Variants in XKR6 observed in about 807,000 individuals in gnomAD.
The protein encoded by XKR6 is XK related 6.
In XKR6, 22 loss-of-function variants were observed where a neutral mutation model predicts 56.7. That is an observed-to-expected ratio of 0.39 (90% CI 0.28 to 0.55). The LOEUF is 0.55. XKR6 is among the 20% of genes least tolerant of loss of function. The pLI, the probability that XKR6 is intolerant of heterozygous loss-of-function variation, is 0.66. For missense variants in XKR6, 852 were observed against 889.0 expected (o/e 0.96, Z 0.53); for synonymous variants, 524 against 387.8 (o/e 1.35, Z -4.13).
At chr8:11,196,605 A>T (rs1264018492) in intron 1 of XKR6, among the ~76,000 whole-genome samples, 3 of 152,220 alleles carry the variant, frequency 2.0e-5, no homozygotes, top group Non-Finnish European at 2.9e-5. Flanking sequence ...TCCTTTCCCA[A>T]TTCTGCCATC....
chr8:10,905,981 G>A (rs538007790), intron 2 of XKR6, among the ~76,000 whole-genome samples: 1 of 152,294 alleles, frequency 6.6e-6, no homozygotes, highest in East Asian at 1.9e-4. Context: ...GGGCAATGAA[G>A]AGGGAAGAAA....
At position 10,898,828 on chromosome 8, in the gene XKR6, C is replaced by G; in HGVS notation, c.1050G>C (p.Lys350Asn). ...KLLRDSRDDK[K>N]SMSYRGAIIQ... ...TGATGGCCCCTCTGTAGCTCATGCT[C>G]TTCTTGTCGTCCCTGGAGTCCCGCA... Residue 350 changes from lysine (K) to asparagine (N), a missense_variant, in exon 3 of 3, where the codon AAG (lysine) becomes AAC (asparagine). By Grantham distance (94) the Lys-to-Asn change is moderately conservative. Transcript: ENST00000416569. This position sits in a 1 kb window ranked among gnomAD's most constrained non-coding sequence, Gnocchi z 6.6. 1 of 1,614,190 alleles carries G rather than the reference C, an allele frequency of 6.2e-7. No individual in the cohort carries two copies. Among genetic ancestry groups the G allele is most frequent in the Non-Finnish European group, 8.5e-7 (1 of 1,180,034 alleles).
At chr8:11,123,828 A>T in intron 1 of XKR6, 1 of 456,218 alleles carries the variant, frequency 2.2e-6, no homozygotes, top group Non-Finnish European at 4.4e-6. Flanking sequence ...AAATAAACAC[A>T]CCAAGGCAGT....
intron 1 of XKR6, among the ~76,000 whole-genome samples, chr8:11,064,416 G>A (rs529199160): frequency 6.6e-6 from 1 of 151,138 alleles, no homozygotes; most frequent in South Asian, 2.1e-4. Context: ...TGATCACATA[G>A]TTCCTAATCC....
intron 1 of XKR6, among the ~76,000 whole-genome samples, chr8:11,118,459 G>T (rs546507619): frequency 1.3e-5 from 2 of 152,304 alleles, no homozygotes; most frequent in South Asian, 2.1e-4. Flanking sequence ...TAGTTGGTAA[G>T]CTATTAACTA....
chr8:11,200,946 T>C lies in XKR6; in HGVS notation c.394A>G (p.Ile132Val). 1 of 1,586,890 alleles carries C rather than the reference T, an allele frequency of 6.3e-7. No individual in the cohort carries two copies. Among genetic ancestry groups the C allele is most frequent in the South Asian group, 1.1e-5 (1 of 88,734 alleles). ...AAGAACACCAGCAGCGCCAGCACGA[T>C]CCACAGGCAGTCGAGCCACGGCCGC... ...VERPWLDCLW[I>V]VLALLVFFGD... Residue 132 changes from isoleucine to valine, a missense_variant, in exon 1 of 3, where the codon ATC becomes GTC. Transcript: ENST00000416569. This position sits in a 1 kb window ranked among gnomAD's most constrained non-coding sequence, Gnocchi z 6.4.
At chr8:10,975,892 G>A (rs565510890) in intron 1 of XKR6, among the ~76,000 whole-genome samples, 16 of 152,262 alleles carry the variant, frequency 1.1e-4, no homozygotes, top group African/African-American at 3.1e-4. Context: ...TATCAAAAGC[G>A]CCCACCACGC....
intron 1 of XKR6, chr8:11,105,990 A>G (rs1024202738): frequency 2.0e-5 from 3 of 152,364 alleles, no homozygotes; most frequent in Admixed American, 2.0e-4. Flanking sequence ...CTTAATTTTT[A>G]TTACACCAAG....
chr8:11,192,545 T>C (rs1803639381), intron 1 of XKR6, among the ~76,000 whole-genome samples: 2 of 151,736 alleles, frequency 1.3e-5, no homozygotes, highest in Admixed American at 1.3e-4. Flanking sequence ...AGCCTAGAAG[T>C]TCAAGGCTGC....
chr8:10,928,083 G>T (rs1800949791), intron 1 of XKR6, among the ~76,000 whole-genome samples: 1 of 152,182 alleles, frequency 6.6e-6, no homozygotes. Context: ...GAGGGGTACT[G>T]GTTTGCAATA....
intron 1 of XKR6, among the ~76,000 whole-genome samples, chr8:11,102,714 G>A (rs1798530258): frequency 2.0e-5 from 3 of 152,142 alleles, no homozygotes; most frequent in Admixed American, 2.0e-4. Flanking sequence ...CAGGCAAGAG[G>A]AAGATGAGGA....
intron 1 of XKR6, among the ~76,000 whole-genome samples, chr8:11,147,800 G>C (rs559078678): frequency 6.6e-6 from 1 of 152,310 alleles, no homozygotes; most frequent in Non-Finnish European, 1.5e-5. Context: ...ATCTTACCAA[G>C]TGCTGGCAAG....
In XKR6 at chr8:11,036,718, C is replaced by T. The variant is rs191704295; in HGVS notation, c.765-111888G>A. Reference sequence around the variant, plus strand: ...TTAAGGCACATTTTCATTATGTTGACGTAACTGTGTTTTTAAACCACAATT... The same window carrying T: ...TTAAGGCACATTTTCATTATGTTGATGTAACTGTGTTTTTAAACCACAATT... On this transcript the variant is annotated intron_variant, in intron 1 of 2. Coordinates refer to ENST00000416569, the MANE Select transcript of XKR6 (RefSeq NM_173683.4). 1.3e-3 allele frequency among the ~76,000 whole-genome samples: 192 copies of T among 152,346 alleles called. 1 individual carries two copies. The highest frequency in any genetic ancestry group is 2.0e-3 in the Non-Finnish European group (135 of 68,026).
At chr8:10,925,537 G>A (rs116825073) in intron 1 of XKR6, among the ~76,000 whole-genome samples, 3,155 of 152,268 alleles carry the variant, frequency 0.021, 108 homozygotes, top group African/African-American at 0.073. Context: ...GAGCAGATCC[G>A]CTGCCCGCCC....
intron 1 of XKR6, among the ~76,000 whole-genome samples, chr8:11,122,131 TG>T (rs1799489338): frequency 6.6e-6 from 1 of 152,226 alleles, no homozygotes; most frequent in Non-Finnish European, 1.5e-5. Context: ...GATGAACTGC[TG>T]TTGCCACAGT....
At chr8:10,905,598 C>A (rs1337413593) in intron 2 of XKR6, among the ~76,000 whole-genome samples, 1 of 152,172 alleles carries the variant, frequency 6.6e-6, no homozygotes, top group Non-Finnish European at 1.5e-5. Flanking sequence ...AGGACACAGG[C>A]TTAGCTGGTT....
At chr8:11,132,385 ATC>A (rs1269558631) in intron 1 of XKR6, among the ~76,000 whole-genome samples, 1 of 151,528 alleles carries the variant, frequency 6.6e-6, no homozygotes, top group Admixed American at 6.6e-5. Context: ...CCCAGACGGA[ATC>A]TTGCTCTGTC....
At chr8:11,126,930 G>T (rs912585894) in intron 1 of XKR6, among the ~76,000 whole-genome samples, 2 of 152,162 alleles carry the variant, frequency 1.3e-5, no homozygotes, top group African/African-American at 4.8e-5. Flanking sequence ...CTCCATGTAG[G>T]CATGCCACAC....
intron 1 of XKR6, among the ~76,000 whole-genome samples, chr8:11,156,258 GA>G (rs1343941024): frequency 6.6e-6 from 1 of 152,080 alleles, no homozygotes; most frequent in African/African-American, 2.4e-5. Context: ...CCTCTGTTCT[GA>G]ATGCTTTTCC....
Sources: allele counts gnomAD v4.1 joint callset (sites outside exome capture counted in the v4.1 genomes callset), GRCh38; gene constraint gnomAD v4.1.1; non-coding constraint Gnocchi (gnomAD v3.1); transcripts MANE v1.5; gene names NCBI Gene and HGNC (gene_info 2026-07-23, HGNC 2026-07-21).